Variants in PAPSS2 observed in about 807,000 individuals in gnomAD.
PAPSS2 encodes the protein 3'-phosphoadenosine 5'-phosphosulfate synthase 2.
A neutral mutation model predicts 66.5 loss-of-function variants in PAPSS2; 61 were observed. That is an observed-to-expected ratio of 0.92 (90% CI 0.75 to 1.14). The LOEUF is 1.14. Ranked by LOEUF, PAPSS2 falls within the 50% of genes most tolerant of loss-of-function variation. PAPSS2 has a pLI of 0.00. For synonymous variants in PAPSS2, 289 were observed against 287.5 expected, an observed-to-expected ratio of 1.01 and a Z score of -0.05; for missense variants, 708 against 789.6, an observed-to-expected ratio of 0.90 and a Z score of 1.24.
At chr10:87,702,180 A>G (rs1589430281) in intron 1 of PAPSS2, among the ~76,000 whole-genome samples, 1 of 152,222 alleles carries the variant, frequency 6.6e-6, no homozygotes, top group Non-Finnish European at 1.5e-5. Context: ...AAGCCTTATT[A>G]TATATTATCT....
At chr10:87,722,477 A>C (rs1379116146) in intron 8 of PAPSS2, among the ~76,000 whole-genome samples, 5 of 152,260 alleles carry the variant, frequency 3.3e-5, no homozygotes, top group African/African-American at 9.6e-5. Flanking sequence ...ACCATGAAGC[A>C]GATCTATAAG....
intron 1 of PAPSS2, among the ~76,000 whole-genome samples, chr10:87,699,114 A>G (rs1224209888): frequency 1.3e-5 from 2 of 152,234 alleles, no homozygotes; most frequent in Admixed American, 1.3e-4. Flanking sequence ...AAAAGCTGTT[A>G]TACCTTCATG....
At chr10:87,738,245 T>G (rs1428404601) in intron 9 of PAPSS2, among the ~76,000 whole-genome samples, 1 of 152,224 alleles carries the variant, frequency 6.6e-6, no homozygotes, top group Non-Finnish European at 1.5e-5. Flanking sequence ...TAAGTAGGAT[T>G]GCTGGATCAT....
At chr10:87,743,228 G>C (rs1439322303) in intron 10 of PAPSS2, 145 bp from the exon 11 acceptor site, 3 of 863,492 alleles carry the variant, frequency 3.5e-6, no homozygotes, top group African/African-American at 3.5e-5. Flanking sequence ...CTGGGCAACA[G>C]AGTGAGACTC....
chr10:87,660,258 G>T (rs368064854), intron 1 of PAPSS2: 9 of 599,574 alleles, frequency 1.5e-5, no homozygotes, highest in East Asian at 8.3e-5. Flanking sequence ...CCGCGCCCGC[G>T]AGAGACCTCC....
intron 1 of PAPSS2, among the ~76,000 whole-genome samples, chr10:87,686,893 T>C (rs1256761310): frequency 1.3e-5 from 2 of 152,188 alleles, no homozygotes; most frequent in East Asian, 3.9e-4. Flanking sequence ...ATGGAATAAA[T>C]GCAAGGTTAG....
chr10:87,712,969 T>C (rs1853480732), intron 2 of PAPSS2, 106 bp from the exon 3 acceptor site: 12 of 717,658 alleles, frequency 1.7e-5, no homozygotes, highest in Middle Eastern at 3.6e-4. Flanking sequence ...TCTTTCTTTT[T>C]TTTTTTTTTA....
intron 9 of PAPSS2, 90 bp from the exon 10 acceptor site, chr10:87,741,145 T>C: frequency 7.5e-7 from 1 of 1,337,954 alleles, no homozygotes; most frequent in Non-Finnish European, 1.1e-6. Context: ...TCTTTAACTG[T>C]AACCCGAGAT....
Position 87,683,200 on chromosome 10 carries a change from C to T in PAPSS2, c.27+23192C>T, listed in dbSNP as rs1490961806. ...CTCCCTCTCCCGGGTTCAAGCAATTCTCCTGCCTCAGCCTCCTGAGTAGCT... is the reference window on the plus strand; with the variant it reads ...CTCCCTCTCCCGGGTTCAAGCAATTTTCCTGCCTCAGCCTCCTGAGTAGCT... On this transcript the variant is annotated intron_variant, in intron 1 of 12. Transcript: ENST00000456849. Among the ~76,000 whole-genome samples, 24 of 149,916 alleles carry T rather than the reference C, an allele frequency of 1.6e-4. 1 individual carries two copies. In the Admixed American group the frequency reaches 1.6e-3, roughly 10 times the overall value.
At chr10:87,742,793 A>G (rs1853885532) in intron 10 of PAPSS2, among the ~76,000 whole-genome samples, 1 of 152,246 alleles carries the variant, frequency 6.6e-6, no homozygotes, top group African/African-American at 2.4e-5. Flanking sequence ...CTTGGTGTAC[A>G]GGAAAGGTCC....
intron 1 of PAPSS2, among the ~76,000 whole-genome samples, chr10:87,705,446 C>T (rs1211785085): frequency 6.6e-6 from 1 of 152,164 alleles, no homozygotes; most frequent in East Asian, 1.9e-4. Flanking sequence ...GAATAGATAT[C>T]TATCAATGGA....
At chr10:87,683,130 C>T (rs1307200851) in intron 1 of PAPSS2, among the ~76,000 whole-genome samples, 1 of 146,306 alleles carries the variant, frequency 6.8e-6, no homozygotes. Flanking sequence ...TTGGTTTGTC[C>T]CCTAGGCACT....
intron 1 of PAPSS2, among the ~76,000 whole-genome samples, chr10:87,705,964 C>G (rs545216825): frequency 6.6e-6 from 1 of 150,868 alleles, no homozygotes; most frequent in African/African-American, 2.4e-5. Flanking sequence ...GAACTCCTGA[C>G]CTCATGATCT....
At chr10:87,740,009 A>G (rs1451500324) in intron 9 of PAPSS2, among the ~76,000 whole-genome samples, 2 of 152,236 alleles carry the variant, frequency 1.3e-5, no homozygotes, top group African/African-American at 4.8e-5. Context: ...TTGTGCTACA[A>G]GCAATACTAG....
chr10:87,706,108 A>ATGTGTG (rs150079044), intron 1 of PAPSS2, among the ~76,000 whole-genome samples: 8 of 52,014 alleles, frequency 1.5e-4, no homozygotes, highest in African/African-American at 6.0e-4. Context: ...ATATATATAT[A>ATGTGTG]TGTGTGTGTG....
chr10:87,664,734 T>C (rs1852795021), intron 1 of PAPSS2, among the ~76,000 whole-genome samples: 1 of 152,210 alleles, frequency 6.6e-6, no homozygotes, highest in African/African-American at 2.4e-5. Context: ...TTTCAAAATC[T>C]ATCACTAAAT....
intron 1 of PAPSS2, among the ~76,000 whole-genome samples, chr10:87,674,925 T>G (rs1852926984): frequency 6.6e-6 from 1 of 152,228 alleles, no homozygotes; most frequent in South Asian, 2.1e-4. Context: ...GTAAGAAACC[T>G]CCATGCATGG....
intron 1 of PAPSS2, among the ~76,000 whole-genome samples, chr10:87,704,673 G>A (rs1489456992): frequency 6.6e-6 from 1 of 151,942 alleles, no homozygotes; most frequent in African/African-American, 2.4e-5. Context: ...ACAAAGTCTC[G>A]CTCTTTTGCC....
chr10:87,710,485 T>C (rs184331052), intron 2 of PAPSS2, among the ~76,000 whole-genome samples: 3 of 152,124 alleles, frequency 2.0e-5, no homozygotes, highest in Non-Finnish European at 4.4e-5. Context: ...TTCTAGAAGA[T>C]CCCCTCCTGT....
Sources: gnomAD v4.1 joint callset for allele counts (sites outside exome capture counted in the v4.1 genomes callset) on GRCh38, gnomAD v4.1.1 for gene constraint, MANE v1.5 for transcripts, NCBI Gene and HGNC (gene_info 2026-07-23, HGNC 2026-07-21) for gene names.